Variants in STK3 observed in about 807,000 individuals in gnomAD.
The protein encoded by STK3 is serine/threonine-protein kinase 3.
In STK3, 41 loss-of-function variants were observed where a neutral mutation model predicts 58.0. The ratio of observed to expected loss-of-function variants is 0.71; its 90% confidence interval spans 0.55 to 0.92. The LOEUF (loss-of-function observed/expected upper bound fraction) is 0.92, where lower values mean the gene tolerates loss of function less well. Ranked by LOEUF, STK3 falls within the 40% of genes least tolerant of loss-of-function variation. The pLI is 0.00. For missense variants in STK3, 479 were observed against 602.7 expected (o/e 0.79, Z 2.15); for synonymous variants, 170 against 191.0 (o/e 0.89, Z 0.91).
chr8:98,463,736 A>C (rs1820198506), intron 10 of STK3, among the ~76,000 whole-genome samples: 1 of 152,258 alleles, frequency 6.6e-6, no homozygotes, highest in Admixed American at 6.5e-5. Flanking sequence ...AAACACTAAG[A>C]TTTCTATATA....
At chr8:98,630,757 GAGA>G (rs1210078432) in intron 6 of STK3, among the ~76,000 whole-genome samples, 4 of 150,216 alleles carry the variant, frequency 2.7e-5, no homozygotes, top group Admixed American at 6.6e-5. Context: ...TAAGGAGAAG[GAGA>G]AGAACAAGAA....
Position 98,905,462 on chromosome 8 carries a change from G to T in STK3, c.-78-21628C>A, listed in dbSNP as rs986547893. On this transcript the variant is annotated intron_variant, in intron 1 of 1. Transcript: ENST00000519420. Reference sequence around the variant, plus strand: ...TGGTTGACGCTTTGCTCTTATTCTTGCTGGCTTCCACGTTGATGTTCACCC... The same window carrying T: ...TGGTTGACGCTTTGCTCTTATTCTTTCTGGCTTCCACGTTGATGTTCACCC... 1.4e-5 allele frequency: 18 copies of T among 1,272,072 alleles called. No homozygotes were observed. The African/African-American group carries it at 1.6e-4, about 11-fold the overall frequency. The allele number at this position is 1,272,072 out of a possible 1,614,324, so 78.8% of individuals were successfully genotyped here.
At chr8:98,722,136 A>T (rs1181896180) in intron 4 of STK3, among the ~76,000 whole-genome samples, 1 of 152,184 alleles carries the variant, frequency 6.6e-6, no homozygotes, top group East Asian at 1.9e-4. Context: ...AGGAAAGACT[A>T]CTAATAGAGT....
chr8:98,687,473 C>G (rs1007647189), intron 6 of STK3, among the ~76,000 whole-genome samples: 2 of 152,176 alleles, frequency 1.3e-5, no homozygotes, highest in Non-Finnish European at 2.9e-5. Flanking sequence ...CCGCCCACCT[C>G]CAGCTGTGTG....
In STK3 at chr8:98,548,091, G is replaced by C. The variant is rs747251874; in HGVS notation, c.1019C>G (p.Thr340Arg). 6.2e-7 allele frequency: 1 copy of C among 1,608,730 alleles called. No individual in the cohort carries two copies. The highest frequency in any genetic ancestry group is 1.7e-5 in the Admixed American group (1 of 59,270). The change falls in exon 9 of 11, where the codon ACA becomes AGA. Residue 340 changes from threonine (T) to arginine (R), a missense_variant. Thr to Arg is a moderately conservative substitution (Grantham distance 71). Transcript: ENST00000419617. ...SVESVGTMRATSTMSEGAQTM... is the reference protein window; with the variant it reads ...SVESVGTMRARSTMSEGAQTM... Reference sequence around the variant, plus strand: ...CTGGGCCCCTTCACTCATCGTGCTTGTGGCCCGCATGGTGCCCACACTCTC... The same window carrying C: ...CTGGGCCCCTTCACTCATCGTGCTTCTGGCCCGCATGGTGCCCACACTCTC...
intron 1 of STK3, among the ~76,000 whole-genome samples, chr8:98,936,355 G>A (rs1402378216): frequency 1.3e-5 from 2 of 151,934 alleles, no homozygotes; most frequent in Non-Finnish European, 2.9e-5. Context: ...TGATGCATAC[G>A]ATATCATAAT....
chr8:98,446,365 A>G (rs772160278), intron 1 of STK3, among the ~76,000 whole-genome samples: 21 of 152,208 alleles, frequency 1.4e-4, no homozygotes, highest in Non-Finnish European at 2.8e-4. Context: ...ACTGGCACAC[A>G]GTTGGTGCTT....
chr8:98,468,718 T>C (rs1180981286), intron 10 of STK3, among the ~76,000 whole-genome samples: 5 of 152,202 alleles, frequency 3.3e-5, no homozygotes, highest in African/African-American at 1.2e-4. Flanking sequence ...AATGTAAATG[T>C]TTCAAATCTT....
intron 6 of STK3, among the ~76,000 whole-genome samples, chr8:98,611,234 A>G (rs1817168815): frequency 6.6e-6 from 1 of 152,210 alleles, no homozygotes; most frequent in Non-Finnish European, 1.5e-5. Context: ...TTTCACAAAA[A>G]TCTATAATAG....
At chr8:98,897,103 A>G (rs1195381150) in intron 1 of STK3, among the ~76,000 whole-genome samples, 1 of 152,210 alleles carries the variant, frequency 6.6e-6, no homozygotes, top group Non-Finnish European at 1.5e-5. Flanking sequence ...TAGAAACCTG[A>G]AAACAACATG....
At chr8:98,875,090 G>A (rs528587893) in intron 3 of STK3, among the ~76,000 whole-genome samples, 53 of 152,278 alleles carry the variant, frequency 3.5e-4, no homozygotes, top group Admixed American at 9.8e-4. Flanking sequence ...AACCCATATA[G>A]TATCAATGGA....
At chr8:98,517,640 G>C (rs1180599243) in intron 10 of STK3, among the ~76,000 whole-genome samples, 1 of 152,122 alleles carries the variant, frequency 6.6e-6, no homozygotes, top group Non-Finnish European at 1.5e-5. Context: ...TTTCATGACA[G>C]TTCAAGTACA....
chr8:98,905,048 A>T (rs1441052365), intron 1 of STK3: 1 of 975,354 alleles, frequency 1.0e-6, no homozygotes, highest in Non-Finnish European at 1.7e-6. Flanking sequence ...TGGATTCCCC[A>T]TAGCCCATGG....
intron 1 of STK3, among the ~76,000 whole-genome samples, chr8:98,910,283 T>C (rs1237307296): frequency 6.6e-6 from 1 of 152,198 alleles, no homozygotes; most frequent in Non-Finnish European, 1.5e-5. Context: ...TTTAAAGTAA[T>C]TTTTTTAAAC....
intron 4 of STK3, among the ~76,000 whole-genome samples, chr8:98,727,463 A>T (rs1827866649): frequency 6.6e-6 from 1 of 152,192 alleles, no homozygotes; most frequent in Admixed American, 6.5e-5. Context: ...CTTTGGCTTG[A>T]GCTGGCTTAG....
the STK3 span, among the ~76,000 whole-genome samples, chr8:98,351,440 A>G: frequency 6.6e-6 from 1 of 152,170 alleles, no homozygotes. Flanking sequence ...TTTTATTCTG[A>G]GTCTGCTGTG....
intron 3 of STK3, among the ~76,000 whole-genome samples, chr8:98,831,481 T>A (rs548812378): frequency 6.6e-6 from 1 of 152,220 alleles, no homozygotes; most frequent in Non-Finnish European, 1.5e-5. Context: ...GGTCTCGAAC[T>A]CCTGGTCTCA....
At chr8:98,903,486 A>G (rs767359012) in intron 1 of STK3, among the ~76,000 whole-genome samples, 4 of 142,890 alleles carry the variant, frequency 2.8e-5, no homozygotes, top group Non-Finnish European at 4.6e-5. Flanking sequence ...CAATTTAGGA[A>G]GTTCTTCTTC....
chr8:98,798,973 A>G (rs1564012087), intron 1 of STK3, among the ~76,000 whole-genome samples: 1 of 152,238 alleles, frequency 6.6e-6, no homozygotes, highest in Non-Finnish European at 1.5e-5. Flanking sequence ...TCTTGGAGGC[A>G]GAGAGCAGCC....
Sources: allele counts gnomAD v4.1 joint callset (sites outside exome capture counted in the v4.1 genomes callset), GRCh38; gene constraint gnomAD v4.1.1; transcripts MANE v1.5; gene names NCBI Gene and HGNC (gene_info 2026-07-23, HGNC 2026-07-21).